DCUN1D5: variants seen among roughly 807,000 people sequenced by gnomAD.
The protein encoded by DCUN1D5 is defective in cullin neddylation 1 domain containing 5.
Under a neutral mutation model 38.3 loss-of-function variants are expected in DCUN1D5, and 10 were observed. The ratio of observed to expected loss-of-function variants is 0.26; its 90% CI spans 0.16 to 0.44. The LOEUF (loss-of-function observed/expected upper bound fraction) is 0.44. DCUN1D5 is among the 20% of genes least tolerant of loss of function. The pLI is 1.00. For missense variants in DCUN1D5, 148 were observed against 275.3 expected (o/e 0.54, Z 3.27); for synonymous variants, 93 against 90.9 (o/e 1.02, Z -0.13).
chr11:103,067,280 A>G (rs1320943972), intron 4 of DCUN1D5, among the ~76,000 whole-genome samples: 1 of 152,212 alleles, frequency 6.6e-6, no homozygotes, highest in Non-Finnish European at 1.5e-5. Flanking sequence ...ACTGTTTAGC[A>G]AGAAGCAAGG....
Position 103,051,501 on chromosome 11 carries a change from T to TCCCCCCCCCCCC in DCUN1D5, c.*10846_*10857dup, listed in dbSNP as rs71066136. 18 of 111,406 alleles carry TCCCCCCCCCCCC rather than the reference T, an allele frequency of 1.6e-4. 2 individuals are homozygous for TCCCCCCCCCCCC. Among genetic ancestry groups the TCCCCCCCCCCCC allele is most frequent in the South Asian group, 8.8e-4 (3 of 3,406 alleles). 6.9% of individuals were successfully genotyped at this position (111,406 alleles called of 1,614,324 possible). A position where few individuals can be genotyped will look rare whatever the true frequency, so the allele number is the denominator to read the frequency against. ...GATTTGGTGGCTTCACATATTTACT[T>TCCCCCCCCCCCC]CCCCCCCCCCCCCGCCACCCCTGTG... On this transcript the variant is annotated 3_prime_UTR_variant, in exon 8 of 8. Transcript: ENST00000260247.
At chr11:103,085,180 C>G (rs1376494829) in intron 2 of DCUN1D5, among the ~76,000 whole-genome samples, 1 of 152,156 alleles carries the variant, frequency 6.6e-6, no homozygotes, top group South Asian at 2.1e-4. Context: ...TGGCTCACGC[C>G]TGTAATCTCA....
chr11:103,091,173 G>T lies in DCUN1D5; in HGVS notation c.86+614C>A, dbSNP rs2134642754. ...AAGCATGCAGGGCCTTTCCAACTCTGCACACAGGGACTTGGCATAGGTGAG... is the reference window on the plus strand; with the variant it reads ...AAGCATGCAGGGCCTTTCCAACTCTTCACACAGGGACTTGGCATAGGTGAG... On this transcript the variant is annotated intron_variant, in intron 1 of 7. Transcript: ENST00000260247. This position sits in a 1 kb window ranked among gnomAD's most constrained non-coding sequence, Gnocchi z 4.3. 6.6e-6 allele frequency among the ~76,000 whole-genome samples: 1 copy of T among 152,202 alleles called. No individual in the cohort carries two copies. The highest frequency in any genetic ancestry group is 1.9e-4 in the East Asian group (1 of 5,160).
Position 103,091,583 on chromosome 11 carries a change from C to T in DCUN1D5, c.86+204G>A, listed in dbSNP as rs1862867501. 5 of 836,180 alleles carry T rather than the reference C, an allele frequency of 6.0e-6. No individual in the cohort carries two copies. The highest frequency in any genetic ancestry group is 2.8e-5 in the East Asian group (1 of 36,186). 51.8% of individuals were successfully genotyped at this position (836,180 alleles called of 1,614,324 possible). ...ACGTGGGCGGCTCTTCTAGTCTCTC[C>T]ATAAACGCCAGCGTGCACACACTCG... On this transcript the variant is annotated intron_variant, in intron 1 of 7. Coordinates refer to ENST00000260247, the MANE Select transcript of DCUN1D5 (RefSeq NM_032299.4). This position sits in a 1 kb window ranked among gnomAD's most constrained non-coding sequence, Gnocchi z 4.3.
intron 4 of DCUN1D5, among the ~76,000 whole-genome samples, chr11:103,070,103 TAA>T (rs1045925278): frequency 1.2e-4 from 17 of 139,858 alleles, no homozygotes; most frequent in African/African-American, 3.5e-4. Flanking sequence ...TGAAAAAATA[TAA>T]AGTCTCAGCA....
intron 4 of DCUN1D5, among the ~76,000 whole-genome samples, chr11:103,068,521 C>T (rs929267583): frequency 6.6e-6 from 1 of 152,080 alleles, no homozygotes; most frequent in Non-Finnish European, 1.5e-5. Context: ...AAAAAGAACA[C>T]GATCATACAT....
chr11:103,091,666 C>G lies in DCUN1D5; in HGVS notation c.86+121G>C, dbSNP rs1862871718. On this transcript the variant is annotated intron_variant, in intron 1 of 7. Transcript: ENST00000260247. This position sits in a 1 kb window ranked among gnomAD's most constrained non-coding sequence, Gnocchi z 4.3. ...GGTGTTCGGCACCTACAGCCTAGCT[C>G]GATCAAAGGGGCCTCACCTGTCTCC... 2 of 1,583,832 alleles carry G rather than the reference C, an allele frequency of 1.3e-6. No homozygotes were observed. The highest frequency in any genetic ancestry group is 8.6e-7 in the Non-Finnish European group (1 of 1,164,588).
At position 103,059,094 on chromosome 11, in the gene DCUN1D5, C is replaced by T. The variant is rs1861947875; in HGVS notation, c.*3265G>A. Among the ~76,000 whole-genome samples the T allele has an allele frequency of 6.6e-6, 1 of 151,980 alleles. No homozygotes were observed. The highest frequency in any genetic ancestry group is 1.5e-5 in the Non-Finnish European group (1 of 67,996). ...TGAATTATCACAATAGTTTTAAGTA[C>T]ACTTCTTTAAGAGGGCAGAAGAACA... On this transcript the variant is annotated 3_prime_UTR_variant, in exon 8 of 8. Coordinates refer to ENST00000260247, the MANE Select transcript of DCUN1D5 (RefSeq NM_032299.4).
At position 103,091,850 on chromosome 11, in the gene DCUN1D5, T is replaced by C. The variant is rs1369312642; in HGVS notation, c.23A>G (p.Lys8Arg). The C allele has an allele frequency of 5.6e-6, 9 of 1,613,682 alleles. No homozygotes were observed. Among genetic ancestry groups the C allele is most frequent in the South Asian group, 1.1e-5 (1 of 91,076 alleles). MPVKKKR[K>R]SPGVAAAVAE... is the part of the protein sequence containing the mutation. ...TACTGCTGCTGCCACCCCAGGGGAT[T>C]TTCTCTTCTTCTTCACCGGCATCTT... The change falls in exon 1 of 8, where the codon AAA (lysine) becomes AGA (arginine). Residue 8 changes from lysine (K) to arginine (R), a missense_variant. Transcript: ENST00000260247. The surrounding 1 kb of genome is among the most constrained non-coding windows in gnomAD (Gnocchi z 4.3).
At chr11:103,090,705 G>A (rs1862837464) in intron 1 of DCUN1D5, among the ~76,000 whole-genome samples, 1 of 152,328 alleles carries the variant, frequency 6.6e-6, no homozygotes, top group Non-Finnish European at 1.5e-5. Flanking sequence ...GAGGTCAGGA[G>A]TTCAAGACCA....
At chr11:103,084,446 T>C (rs766120295) in intron 2 of DCUN1D5, among the ~76,000 whole-genome samples, 6 of 152,220 alleles carry the variant, frequency 3.9e-5, no homozygotes, top group Non-Finnish European at 8.8e-5. Context: ...AAACCCTTTT[T>C]AATTTTTTTG....
At chr11:103,084,851 G>A (rs1387558225) in intron 2 of DCUN1D5, among the ~76,000 whole-genome samples, 1 of 152,014 alleles carries the variant, frequency 6.6e-6, no homozygotes, top group Non-Finnish European at 1.5e-5. Context: ...GCCTTGTGTG[G>A]TGGTGCCAGT....
In DCUN1D5 at chr11:103,057,284, G is replaced by C. The variant is rs541185109; in HGVS notation, c.*5075C>G. Among the ~76,000 whole-genome samples, 1 of 152,288 alleles carries C rather than the reference G, an allele frequency of 6.6e-6. No individual in the cohort carries two copies. Among genetic ancestry groups the C allele is most frequent in the Admixed American group, 6.5e-5 (1 of 15,300 alleles). ...AGTTAGTTTAAGTCTCAAATGACAAGTTGCTCAAATAAAGTTAGTTTTTCC... is the reference window on the plus strand; with the variant it reads ...AGTTAGTTTAAGTCTCAAATGACAACTTGCTCAAATAAAGTTAGTTTTTCC... On this transcript the variant is annotated 3_prime_UTR_variant, in exon 8 of 8. Transcript: ENST00000260247. This position sits in a 1 kb window ranked among gnomAD's most constrained non-coding sequence, Gnocchi z 4.8.
chr11:103,067,321 T>C (rs558783749), intron 4 of DCUN1D5, among the ~76,000 whole-genome samples: 2 of 152,256 alleles, frequency 1.3e-5, no homozygotes, highest in Admixed American at 1.3e-4. Context: ...TTGGCACAAA[T>C]CTCTAGTTTC....
At chr11:103,068,621 G>A (rs1323382892) in intron 4 of DCUN1D5, among the ~76,000 whole-genome samples, 1 of 152,048 alleles carries the variant, frequency 6.6e-6, no homozygotes, top group Non-Finnish European at 1.5e-5. Context: ...CTTATACGTG[G>A]GAGCTAAATG....
rs763451156 is a variant in DCUN1D5, at chr11:103,062,325, T to C, written c.*34A>G. 79 of 1,609,298 alleles carry C rather than the reference T, an allele frequency of 4.9e-5. No individual in the cohort carries two copies. Among genetic ancestry groups the C allele is most frequent in the Admixed American group, 2.3e-4 (14 of 59,952 alleles). ...ACATTAGCTTGTATACACGTGGGAA[T>C]TGAAAGGTTTGCATTTTCTTCACAT... On this transcript the variant is annotated 3_prime_UTR_variant, in exon 8 of 8. Transcript: ENST00000260247. The surrounding 1 kb of genome is among the most constrained non-coding windows in gnomAD (Gnocchi z 4.6).
rs186649625 is a variant in DCUN1D5, at chr11:103,070,465, G to A, written c.342-3898C>T. Among the ~76,000 whole-genome samples, 5 of 152,116 alleles carry A rather than the reference G, an allele frequency of 3.3e-5. No homozygotes were observed. In the East Asian group the frequency reaches 7.7e-4, roughly 23 times the overall value. ...CAAAGAAAATGATCAGAACAGAGAGGATAATCATATTATAATAAAAGGGTC... is the reference window on the plus strand; with the variant it reads ...CAAAGAAAATGATCAGAACAGAGAGAATAATCATATTATAATAAAAGGGTC... On this transcript the variant is annotated intron_variant, in intron 4 of 7. Transcript: ENST00000260247.
intron 2 of DCUN1D5, among the ~76,000 whole-genome samples, chr11:103,085,441 A>T (rs1463619556): frequency 6.6e-6 from 1 of 152,222 alleles, no homozygotes; most frequent in Non-Finnish European, 1.5e-5. Flanking sequence ...TGTCTCAAAA[A>T]ATATAAAAAA....
rs1862876302 is a variant in DCUN1D5 at position 103,091,765 on chromosome 11, G to C, written c.86+22C>G. ...AGCAAAGGAGGGAGGAGGGAAGCTT[G>C]AAGGGTGGGGGGAGATGGTACCTGG... On this transcript the variant is annotated intron_variant, in intron 1 of 7. Transcript: ENST00000260247. This position sits in a 1 kb window ranked among gnomAD's most constrained non-coding sequence, Gnocchi z 4.3. 5.0e-6 allele frequency: 8 copies of C among 1,614,010 alleles called. No individual in the cohort carries two copies. In the East Asian group the frequency reaches 1.8e-4, roughly 36 times the overall value.
Sources: allele counts gnomAD v4.1 joint callset (sites outside exome capture counted in the v4.1 genomes callset), GRCh38; gene constraint gnomAD v4.1.1; non-coding constraint Gnocchi (gnomAD v3.1); transcripts MANE v1.5; gene names NCBI Gene and HGNC (gene_info 2026-07-23, HGNC 2026-07-21).